Variants in PKD2 observed in about 807,000 individuals in gnomAD.
PKD2 encodes polycystin 2, transient receptor potential cation channel.
Under a neutral mutation model 105.9 loss-of-function variants are expected in PKD2, and 48 were observed. The ratio of observed to expected loss-of-function variants is 0.45; its 90% CI spans 0.36 to 0.58. PKD2 has a LOEUF of 0.58. PKD2 is among the 20% of genes least tolerant of loss of function. The probability of loss-of-function intolerance (pLI) is 0.00; values close to 1 mark genes in which losing one functional copy is unlikely to be tolerated. For missense variants in PKD2, 1,078 were observed against 1,255.3 expected, an observed-to-expected ratio of 0.86 and a Z score of 2.13; for synonymous variants, 464 against 481.1, an observed-to-expected ratio of 0.96 and a Z score of 0.46.
intron 9 of PKD2, among the ~76,000 whole-genome samples, chr4:88,059,082 A>G (rs1166907305): frequency 6.6e-6 from 1 of 152,162 alleles, no homozygotes; most frequent in African/African-American, 2.4e-5. Context: ...ATTACTGGTT[A>G]AGTATATGGT....
At chr4:88,054,844 C>T (rs377445841) in intron 7 of PKD2, among the ~76,000 whole-genome samples, 1 of 150,916 alleles carries the variant, frequency 6.6e-6, no homozygotes, top group Non-Finnish European at 1.5e-5. Context: ...TTAGTAGAGA[C>T]GGGGTTTCAC....
At chr4:88,043,784 TC>T (rs1727667521) in intron 5 of PKD2, among the ~76,000 whole-genome samples, 1 of 152,170 alleles carries the variant, frequency 6.6e-6, no homozygotes, top group Non-Finnish European at 1.5e-5. Flanking sequence ...TGCCACATGT[TC>T]CATCACCAAG....
intron 2 of PKD2, among the ~76,000 whole-genome samples, chr4:88,020,063 C>T (rs1274120044): frequency 2.0e-5 from 3 of 152,138 alleles, no homozygotes; most frequent in South Asian, 2.1e-4. Context: ...CTATGAGATA[C>T]GCGTGGCAAC....
intron 2 of PKD2, among the ~76,000 whole-genome samples, chr4:88,020,374 A>G (rs1726705459): frequency 6.6e-6 from 1 of 152,120 alleles, no homozygotes; most frequent in Non-Finnish European, 1.5e-5. Flanking sequence ...TCAATCTTTA[A>G]TAATTGCTGG....
chr4:88,068,207 A>G (rs749931446), intron 13 of PKD2, 146 bp downstream of exon 13: 11 of 776,636 alleles, frequency 1.4e-5, no homozygotes, highest in Middle Eastern at 2.7e-4. Context: ...GCAGTGGCTC[A>G]TGCCTGTAAT....
intron 12 of PKD2, among the ~76,000 whole-genome samples, chr4:88,067,188 T>A (rs1285242337): frequency 6.6e-6 from 1 of 152,188 alleles, no homozygotes; most frequent in East Asian, 1.9e-4. Context: ...TTAAAGGAAA[T>A]GCTGTCATTG....
intron 2 of PKD2, among the ~76,000 whole-genome samples, chr4:88,031,737 G>A (rs184372904): frequency 9.9e-4 from 150 of 152,118 alleles, no homozygotes; most frequent in African/African-American, 3.5e-3. Context: ...AAAGATACAG[G>A]GTTTTAAGTT....
intron 4 of PKD2, among the ~76,000 whole-genome samples, chr4:88,038,706 A>G (rs114547940): frequency 1.1e-3 from 175 of 152,274 alleles, no homozygotes; most frequent in African/African-American, 3.7e-3. Context: ...TAGTTTCTAC[A>G]TGCATATTTT....
chr4:88,020,445 A>G lies in PKD2; in HGVS notation c.709+874A>G, dbSNP rs72873462. On this transcript the variant is annotated intron_variant, in intron 2 of 14. Transcript: ENST00000237596. Reference sequence around the variant, plus strand: ...CTCTTTCGTCTTCTTTCCTTCTTTCAGTTCGTCTTCCCATCCTCTGGTAGG... The same window carrying G: ...CTCTTTCGTCTTCTTTCCTTCTTTCGGTTCGTCTTCCCATCCTCTGGTAGG... Among the ~76,000 whole-genome samples, 953 of 152,048 alleles carry G rather than the reference A, an allele frequency of 6.3e-3. 15 individuals are homozygous for G. The highest frequency in any genetic ancestry group is 0.022 in the African/African-American group (902 of 41,460).
chr4:88,047,517 C>T (rs377205496), intron 6 of PKD2, among the ~76,000 whole-genome samples: 36 of 152,114 alleles, frequency 2.4e-4, no homozygotes, highest in East Asian at 1.9e-4. Flanking sequence ...GCTATAAATG[C>T]ACCACTGCAC....
At chr4:88,071,917 C>T (rs1721047861) in intron 13 of PKD2, among the ~76,000 whole-genome samples, 1 of 151,750 alleles carries the variant, frequency 6.6e-6, no homozygotes, top group Admixed American at 6.6e-5. Flanking sequence ...GTAATTTGCT[C>T]CACAGTCTGA....
At chr4:88,017,288 TCATACATA>T (rs768391118) in intron 1 of PKD2, among the ~76,000 whole-genome samples, 1 of 152,018 alleles carries the variant, frequency 6.6e-6, no homozygotes, top group Admixed American at 6.6e-5. Context: ...ATAAATAAAT[TCATACATA>T]CATACATACA....
intron 10 of PKD2, 53 bp from the exon 11 acceptor site, chr4:88,065,321 T>A (rs1263880357): frequency 3.9e-6 from 6 of 1,552,024 alleles, no homozygotes; most frequent in Admixed American, 3.3e-5. Context: ...GTAAAACAGA[T>A]GCAAAAGGAG....
intron 2 of PKD2, chr4:88,035,921 G>T (rs906903321): frequency 1.7e-5 from 7 of 410,960 alleles, no homozygotes; most frequent in Non-Finnish European, 2.8e-5. Flanking sequence ...AATCGAGTAG[G>T]CATGTTGGTA....
intron 12 of PKD2, among the ~76,000 whole-genome samples, chr4:88,067,276 GA>G (rs750109416): frequency 3.9e-5 from 6 of 152,126 alleles, no homozygotes; most frequent in Non-Finnish European, 8.8e-5. Flanking sequence ...AAATATTTTT[GA>G]AAATCCCAAA....
chr4:88,074,833 G>A lies in PKD2; in HGVS notation c.2544G>A (p.Arg848=), dbSNP rs1171499718. ...EFQVLVRRVD[R]MEHSIGSIVS... ...GCAGCCTGGTGAGACGAGTGGACCGGATGGAGCATTCCATCGGCAGCATAG... is the reference window on the plus strand; with the variant it reads ...GCAGCCTGGTGAGACGAGTGGACCGAATGGAGCATTCCATCGGCAGCATAG... Residue 848 remains arginine, a synonymous_variant, in exon 14 of 15, where the codon CGG becomes CGA. Transcript: ENST00000237596. 9.9e-6 allele frequency: 16 copies of A among 1,614,116 alleles called. No homozygotes were observed. The highest frequency in any genetic ancestry group is 1.3e-5 in the Non-Finnish European group (15 of 1,179,986).
intron 2 of PKD2, among the ~76,000 whole-genome samples, chr4:88,032,777 T>C (rs1727207707): frequency 6.6e-6 from 1 of 152,198 alleles, no homozygotes; most frequent in African/African-American, 2.4e-5. Context: ...TTCCATTGCA[T>C]TTTACAGTGT....
chr4:88,041,723 A>G (rs1004677240), intron 4 of PKD2, among the ~76,000 whole-genome samples: 4 of 152,210 alleles, frequency 2.6e-5, no homozygotes, highest in Admixed American at 6.5e-5. Flanking sequence ...TGTAAGCCAC[A>G]TTGCTTATAC....
At chr4:88,064,062 C>T (rs142177560) in intron 10 of PKD2, among the ~76,000 whole-genome samples, 92 of 152,078 alleles carry the variant, frequency 6.0e-4, no homozygotes, top group African/African-American at 2.0e-3. Context: ...GGCTGAGGCA[C>T]GAGAATTGCT....
Sources: allele counts gnomAD v4.1 joint callset (sites outside exome capture counted in the v4.1 genomes callset), GRCh38; gene constraint gnomAD v4.1.1; transcripts MANE v1.5; gene names NCBI Gene and HGNC (gene_info 2026-07-23, HGNC 2026-07-21).